The following MYO7B variants were observed in gnomAD, a reference collection of about 807,000 sequenced individuals.
MYO7B encodes myosin VIIB.
MYO7B carries 212 observed loss-of-function variants against 259.7 expected under a neutral mutation model. The observed-to-expected ratio is 0.82, with a 90% CI of 0.73 to 0.91. MYO7B has a LOEUF of 0.91. Ranked by LOEUF, MYO7B falls within the 40% of genes least tolerant of loss-of-function variation. MYO7B has a pLI of 0.00. For synonymous variants in MYO7B, 1,197 were observed against 1,166.4 expected, an observed-to-expected ratio of 1.03 and a Z score of -0.54; for missense variants, 2,732 against 2,813.5, an observed-to-expected ratio of 0.97 and a Z score of 0.66.
At position 127,596,542 on chromosome 2, in the gene MYO7B, G is replaced by A. The variant is rs1275059578; in HGVS notation, c.2325G>A (p.Arg775=). 1 of 1,612,370 alleles carries A rather than the reference G, an allele frequency of 6.2e-7. No homozygotes were observed. Among genetic ancestry groups the A allele is most frequent in the Non-Finnish European group, 8.5e-7 (1 of 1,179,258 alleles). ...RAALSIQKVL[R]GYRYRKEFLR... is the part of the protein sequence containing the mutation. Reference sequence around the variant, plus strand: ...CGCTCAGCATCCAGAAAGTCCTTCGGGGCTACAGATACAGGTGCCGGCCCC... The same window carrying A: ...CGCTCAGCATCCAGAAAGTCCTTCGAGGCTACAGATACAGGTGCCGGCCCC... The change falls in exon 19 of 48, where the codon CGG becomes CGA. Residue 775 remains arginine (R), a synonymous_variant. Transcript: ENST00000409816.
At position 127,577,020 on chromosome 2, in the gene MYO7B, A is replaced by T. The variant is rs2104917890; in HGVS notation, c.849+312A>T. On this transcript the variant is annotated intron_variant, in intron 8 of 47. Transcript: ENST00000409816. This position sits in a 1 kb window ranked among gnomAD's most constrained non-coding sequence, Gnocchi z 5.2. Reference sequence around the variant, plus strand: ...CCCAGTGGGCCACAGGGAGTTGCCCACATGCCTCCTGCTCCTGATTTCACT... The same window carrying T: ...CCCAGTGGGCCACAGGGAGTTGCCCTCATGCCTCCTGCTCCTGATTTCACT... Among the ~76,000 whole-genome samples, 1 of 152,092 alleles carries T rather than the reference A, an allele frequency of 6.6e-6. No individual in the cohort carries two copies.
At chr2:127,551,118 C>T (rs1381855104) in intron 1 of MYO7B, among the ~76,000 whole-genome samples, 1 of 152,046 alleles carries the variant, frequency 6.6e-6, no homozygotes, top group Non-Finnish European at 1.5e-5. Context: ...AGTATATTCT[C>T]CACTGTTCTG....
chr2:127,623,093 G>C (rs1227439898), intron 28 of MYO7B, 109 bp from the exon 29 acceptor site: 8 of 1,339,512 alleles, frequency 6.0e-6, no homozygotes, highest in Non-Finnish European at 8.1e-6. Context: ...CCCACGGGAT[G>C]GCAAGCAGGG....
intron 1 of MYO7B, among the ~76,000 whole-genome samples, chr2:127,550,126 A>C (rs190739473): frequency 5.7e-4 from 87 of 152,278 alleles, no homozygotes; most frequent in Non-Finnish European, 1.1e-3. Flanking sequence ...CTTGGACCAC[A>C]TGGCCGCTTG....
intron 16 of MYO7B, among the ~76,000 whole-genome samples, chr2:127,592,054 G>A (rs1326884468): frequency 6.6e-6 from 1 of 152,202 alleles, no homozygotes; most frequent in Non-Finnish European, 1.5e-5. Context: ...AGTGCCTGCG[G>A]GGCAGCTTTC....
chr2:127,587,015 C>T (rs1474006217), intron 14 of MYO7B, among the ~76,000 whole-genome samples: 2 of 152,334 alleles, frequency 1.3e-5, no homozygotes, highest in South Asian at 4.1e-4. Context: ...GGGAAACAGA[C>T]TCCCTTCCCT....
Position 127,576,786 on chromosome 2 carries a change from C to G in MYO7B, c.849+78C>G. The G allele has an allele frequency of 9.2e-7, 1 of 1,083,158 alleles. No homozygotes were observed. Among genetic ancestry groups the G allele is most frequent in the South Asian group, 1.5e-5 (1 of 67,240 alleles). 67.1% of individuals were successfully genotyped at this position (1,083,158 alleles called of 1,614,324 possible). The stretch of plus-strand genomic sequence containing the variant: ...GCTTGTGCCGCTCCACCCTCCGCGA[C>G]AGCTGCAGAGAAGCCCAACGCTGGC... On this transcript the variant is annotated intron_variant, in intron 8 of 47. Transcript: ENST00000409816. This position sits in a 1 kb window ranked among gnomAD's most constrained non-coding sequence, Gnocchi z 4.9.
In MYO7B at chr2:127,553,243, A is replaced by C. The variant is rs113113871; in HGVS notation, c.-23-6457A>C. Among the ~76,000 whole-genome samples, 899 of 151,870 alleles carry C rather than the reference A, an allele frequency of 5.9e-3. 10 individuals carry two copies. The highest frequency in any genetic ancestry group is 0.02 in the African/African-American group (848 of 41,390). ...TTTAGTCTTGCTTTGGCTATGGGGG[A>C]TCTTTTTTGGTTCCATATGAATTTT... On this transcript the variant is annotated intron_variant, in intron 1 of 47. Coordinates refer to ENST00000409816, the MANE Select transcript of MYO7B (RefSeq NM_001393586.1).
At chr2:127,537,619 T>G (rs763649486) in intron 1 of MYO7B, among the ~76,000 whole-genome samples, 4 of 151,714 alleles carry the variant, frequency 2.6e-5, no homozygotes, top group Non-Finnish European at 5.9e-5. Flanking sequence ...GAGGATTGCT[T>G]GAGCCCACAA....
intron 1 of MYO7B, among the ~76,000 whole-genome samples, chr2:127,557,093 T>C (rs1183566386): frequency 6.6e-6 from 1 of 152,166 alleles, no homozygotes; most frequent in Non-Finnish European, 1.5e-5. Context: ...AAATCTTTTT[T>C]CTTTGTCTTT....
Position 127,636,113 on chromosome 2 carries a change from A to C in MYO7B, c.6007-95A>C, listed in dbSNP as rs1462673443. On this transcript the variant is annotated intron_variant, in intron 44 of 47. Transcript: ENST00000409816. The surrounding 1 kb of genome is among the most constrained non-coding windows in gnomAD (Gnocchi z 4.5). ...GCTGCATTCCTCCCCTCCCCTCCCC[A>C]CCGTACTAGCCCTGGGGTAGGCAGG... 2 of 1,152,302 alleles carry C rather than the reference A, an allele frequency of 1.7e-6. No homozygotes were observed. Among genetic ancestry groups the C allele is most frequent in the African/African-American group, 1.6e-5 (1 of 62,882 alleles). The allele number at this position is 1,152,302 out of a possible 1,614,324, so 71.4% of individuals were successfully genotyped here. A position where few individuals can be genotyped will look rare whatever the true frequency, so the allele number is the denominator to read the frequency against.
intron 30 of MYO7B, among the ~76,000 whole-genome samples, chr2:127,625,148 T>G (rs1166323444): frequency 1.3e-5 from 2 of 152,228 alleles, no homozygotes; most frequent in African/African-American, 2.4e-5. Context: ...GCCGTTGTCC[T>G]CAGGCAGAGG....
chr2:127,553,127 T>C (rs1693512429), intron 1 of MYO7B, among the ~76,000 whole-genome samples: 1 of 152,242 alleles, frequency 6.6e-6, no homozygotes, highest in Non-Finnish European at 1.5e-5. Flanking sequence ...CTTCATCTGC[T>C]CTTTCACTGG....
In MYO7B at chr2:127,635,891, C is replaced by A; in HGVS notation, c.5990C>A (p.Ser1997Ter). 1 of 1,573,852 alleles carries A rather than the reference C, an allele frequency of 6.4e-7. No individual in the cohort carries two copies. The highest frequency in any genetic ancestry group is 2.4e-5 in the East Asian group (1 of 42,384). Residue 1997 changes from serine to a stop codon, truncating the protein, a stop_gained, in exon 44 of 48, where the codon TCG (serine) becomes TAG (stop). Coordinates refer to ENST00000409816, the MANE Select transcript of MYO7B (RefSeq NM_001393586.1). LOFTEE classifies it high-confidence loss of function. ...VPENLTRLMSSEEWKKSILLA... is the reference protein window; with the variant it reads ...VPENLTRLMS ...GAGAACCTCACACGCCTGATGTCCTCGGAGGAGTGGAAAAAGGTCCCTGGT... is the reference window on the plus strand; with the variant it reads ...GAGAACCTCACACGCCTGATGTCCTAGGAGGAGTGGAAAAAGGTCCCTGGT...
chr2:127,604,480 T>A (rs1326044732), intron 19 of MYO7B, among the ~76,000 whole-genome samples: 1 of 152,246 alleles, frequency 6.6e-6, no homozygotes, highest in Non-Finnish European at 1.5e-5. Flanking sequence ...TTTCACTTTC[T>A]CATCATTCAT....
chr2:127,566,859 G>A (rs756676763), intron 5 of MYO7B, 32 bp downstream of exon 5: 12 of 1,589,862 alleles, frequency 7.5e-6, no homozygotes, highest in African/African-American at 2.7e-5. Flanking sequence ...CCACCTCCAG[G>A]CATCTCCCTG....
At chr2:127,620,291 C>T (rs746297552) in intron 26 of MYO7B, 49 bp from the exon 27 acceptor site, 1 of 1,566,456 alleles carries the variant, frequency 6.4e-7, no homozygotes, top group Non-Finnish European at 8.7e-7. Context: ...CCTGTCTCCT[C>T]TCCTCCTCCA....
Position 127,632,270 on chromosome 2 carries a change from G to A in MYO7B, c.5274G>A (p.Gln1758=). ...GGCACAGCGAAGAGCGGGGCTGGCA[G>A]CTGCTGTGGCTGTGCACGGGCCTCT... The part of the protein sequence containing the change: ...SNRHSEERGW[Q]LLWLCTGLFP... Residue 1758 remains glutamine, a synonymous_variant, in exon 39 of 48, where the codon CAG becomes CAA. Coordinates refer to ENST00000409816, the MANE Select transcript of MYO7B (RefSeq NM_001393586.1). 1 of 1,611,544 alleles carries A rather than the reference G, an allele frequency of 6.2e-7. No homozygotes were observed. The highest frequency in any genetic ancestry group is 8.5e-7 in the Non-Finnish European group (1 of 1,179,508).
Position 127,609,849 on chromosome 2 carries a change from G to T in MYO7B, c.3025G>T (p.Ala1009Ser). 1 of 1,613,538 alleles carries T rather than the reference G, an allele frequency of 6.2e-7. No individual in the cohort carries two copies. The highest frequency in any genetic ancestry group is 1.6e-4 in the Middle Eastern group (1 of 6,062). The change falls in exon 24 of 48, where the codon GCC (alanine) becomes TCC (serine). Residue 1009 changes from alanine to serine, a missense_variant and splice_region_variant. This residue lies in a region of MYO7B where 1,906 missense variants were observed against 2,026.4 expected (regional missense o/e 0.94). Coordinates refer to ENST00000409816, the MANE Select transcript of MYO7B (RefSeq NM_001393586.1). The surrounding 1 kb of genome is among the most constrained non-coding windows in gnomAD (Gnocchi z 6.9). ...TGGGCCTTCTGTCTTGTTTCCCCAGGCCGCCCTGGTCATATGGAACGTCAT... is the reference window on the plus strand; with the variant it reads ...TGGGCCTTCTGTCTTGTTTCCCCAGTCCGCCCTGGTCATATGGAACGTCAT... ...LYHEDDTDCL[A>S]ALVIWNVILR... is the part of the protein sequence containing the mutation.
Sources: gnomAD v4.1 joint callset for allele counts (sites outside exome capture counted in the v4.1 genomes callset) on GRCh38, gnomAD v4.1.1 for gene constraint, gnomAD v4.1.1 regional missense constraint, Gnocchi (gnomAD v3.1) non-coding constraint, MANE v1.5 for transcripts, NCBI Gene and HGNC (gene_info 2026-07-23, HGNC 2026-07-21) for gene names.